Variants in NEGR1 observed in about 807,000 individuals in gnomAD.
NEGR1 encodes IgLON family member 4.
In NEGR1, 10 loss-of-function variants were observed where a neutral mutation model predicts 40.9. The observed-to-expected ratio is 0.24, with a 90% CI of 0.15 to 0.42. The LOEUF is 0.42. NEGR1 is among the 10% of genes least tolerant of loss of function. The probability of loss-of-function intolerance (pLI) is 1.00; values close to 1 mark genes in which losing one functional copy is unlikely to be tolerated. For synonymous variants in NEGR1, 185 were observed against 166.8 expected, an observed-to-expected ratio of 1.11 and a Z score of -0.84; for missense variants, 352 against 438.9, an observed-to-expected ratio of 0.80 and a Z score of 1.77.
chr1:71,797,123 A>C (rs977553641), intron 2 of NEGR1, among the ~76,000 whole-genome samples: 2 of 152,166 alleles, frequency 1.3e-5, no homozygotes, highest in African/African-American at 4.8e-5. Flanking sequence ...ATATTTCTCG[A>C]ATACTTAATA....
At chr1:71,551,722 C>T (rs889953304) in intron 6 of NEGR1, among the ~76,000 whole-genome samples, 6 of 151,540 alleles carry the variant, frequency 4.0e-5, no homozygotes, top group Non-Finnish European at 7.4e-5. Context: ...TAGGGCTGCA[C>T]AGAGACTCCA....
At chr1:71,430,936 T>A (rs553281516) in intron 6 of NEGR1, among the ~76,000 whole-genome samples, 3 of 152,126 alleles carry the variant, frequency 2.0e-5, no homozygotes, top group Admixed American at 6.5e-5. Flanking sequence ...ATTTTTTGTA[T>A]TTTTAGTAGA....
At chr1:72,243,800 G>A (rs1654822156) in intron 1 of NEGR1, among the ~76,000 whole-genome samples, 1 of 151,658 alleles carries the variant, frequency 6.6e-6, no homozygotes, top group African/African-American at 2.4e-5. Flanking sequence ...TACCTATAGT[G>A]CCTGTTTTAT....
intron 1 of NEGR1, among the ~76,000 whole-genome samples, chr1:72,082,748 A>G (rs1382595948): frequency 6.6e-6 from 1 of 151,870 alleles, no homozygotes; most frequent in Non-Finnish European, 1.5e-5. Context: ...ATCCTGAGGG[A>G]GACTTTACTC....
At chr1:71,999,654 T>TATATATATATATATAC (rs1557476723) in intron 1 of NEGR1, among the ~76,000 whole-genome samples, 8 of 46,842 alleles carry the variant, frequency 1.7e-4, no homozygotes, top group Non-Finnish European at 3.7e-4. Context: ...TATATATATA[T>TATATATATATATATAC]ATATATATAT....
intron 1 of NEGR1, 110 bp from the exon 2 acceptor site, chr1:71,935,421 G>T: frequency 2.9e-6 from 2 of 697,264 alleles, no homozygotes; most frequent in Non-Finnish European, 5.0e-6. Context: ...AGCATCAAAT[G>T]CAAACATCAG....
At chr1:72,185,319 C>G (rs1270509642) in intron 1 of NEGR1, among the ~76,000 whole-genome samples, 1 of 151,890 alleles carries the variant, frequency 6.6e-6, no homozygotes, top group Non-Finnish European at 1.5e-5. Flanking sequence ...TTTCCCTTTG[C>G]TCTAAAGAAC....
chr1:71,823,482 TA>T (rs1326395982), intron 2 of NEGR1, among the ~76,000 whole-genome samples: 1 of 152,000 alleles, frequency 6.6e-6, no homozygotes, highest in Non-Finnish European at 1.5e-5. Flanking sequence ...CTTTTCTGTG[TA>T]AAAAAGAAAA....
At chr1:71,762,876 AATCAAAACGTTCTCTAAT>A (rs1655993507) in intron 3 of NEGR1, among the ~76,000 whole-genome samples, 1 of 152,166 alleles carries the variant, frequency 6.6e-6, no homozygotes, top group African/African-American at 2.4e-5. Flanking sequence ...ATAAAGGAGA[AATCAAAACGTTCTCTAAT>A]GAAGAAAACT....
chr1:71,944,020 C>A (rs75047515), intron 1 of NEGR1, among the ~76,000 whole-genome samples: 2 of 152,308 alleles, frequency 1.3e-5, no homozygotes, highest in East Asian at 3.9e-4. Context: ...ATGAATTAAG[C>A]AGAAAATTTC....
chr1:72,198,255 G>A (rs566602514), intron 1 of NEGR1, among the ~76,000 whole-genome samples: 1 of 152,096 alleles, frequency 6.6e-6, no homozygotes, highest in African/African-American at 2.4e-5. Flanking sequence ...GAAAAAGACC[G>A]TTTGTCTGGC....
chr1:71,914,965 C>G, intron 2 of NEGR1, among the ~76,000 whole-genome samples: 1 of 152,092 alleles, frequency 6.6e-6, no homozygotes, highest in East Asian at 1.9e-4. Flanking sequence ...TTGCTAATGG[C>G]CATCATTTTG....
At chr1:71,956,241 A>G (rs911314871) in intron 1 of NEGR1, among the ~76,000 whole-genome samples, 1 of 152,182 alleles carries the variant, frequency 6.6e-6, no homozygotes, top group African/African-American at 2.4e-5. Flanking sequence ...AGCCTAGCAC[A>G]GTGTCTGACA....
chr1:71,618,621 T>C (rs1025538434), intron 4 of NEGR1, among the ~76,000 whole-genome samples: 1 of 152,144 alleles, frequency 6.6e-6, no homozygotes, highest in Non-Finnish European at 1.5e-5. Flanking sequence ...TTCTACATTA[T>C]GGCGAGTTGT....
chr1:71,771,230 C>T (rs1656307543), intron 3 of NEGR1, among the ~76,000 whole-genome samples: 1 of 152,068 alleles, frequency 6.6e-6, no homozygotes, highest in African/African-American at 2.4e-5. Context: ...TGTTCTCACT[C>T]ATAAGTGGGA....
At chr1:72,102,875 C>T (rs1370801662) in intron 1 of NEGR1, among the ~76,000 whole-genome samples, 1 of 152,026 alleles carries the variant, frequency 6.6e-6, no homozygotes, top group African/African-American at 2.4e-5. Flanking sequence ...CAAGCAACTT[C>T]AGCAGTAAAG....
intron 3 of NEGR1, among the ~76,000 whole-genome samples, chr1:71,732,468 C>A (rs1654909683): frequency 3.3e-5 from 5 of 151,104 alleles, no homozygotes; most frequent in Admixed American, 2.7e-4. Context: ...AATTAATTAG[C>A]CACATTCGAC....
At chr1:71,747,199 G>A (rs1206609746) in intron 3 of NEGR1, among the ~76,000 whole-genome samples, 1 of 151,742 alleles carries the variant, frequency 6.6e-6, no homozygotes, top group Non-Finnish European at 1.5e-5. Flanking sequence ...CTGAAGTCAG[G>A]CATATAAATC....
chr1:71,798,701 T>C (rs1183700576), intron 2 of NEGR1, among the ~76,000 whole-genome samples: 1 of 152,182 alleles, frequency 6.6e-6, no homozygotes, highest in Non-Finnish European at 1.5e-5. Context: ...AATATTTTTT[T>C]TCCTCCAAGG....
Sources: gnomAD v4.1 joint callset for allele counts (sites outside exome capture counted in the v4.1 genomes callset) on GRCh38, gnomAD v4.1.1 for gene constraint, MANE v1.5 for transcripts, NCBI Gene and HGNC (gene_info 2026-07-23, HGNC 2026-07-21) for gene names.